Variants in PRSS12 observed in about 807,000 individuals in gnomAD.
PRSS12 encodes the protein neurotrypsin.
PRSS12 carries 85 observed loss-of-function variants against 104.4 expected under a neutral mutation model. The observed-to-expected ratio is 0.81, with a 90% CI of 0.68 to 0.98. The LOEUF is 0.98. Among genes scored for constraint, PRSS12 ranks in the 50% least tolerant of loss-of-function variants. PRSS12 has a pLI of 0.00. For synonymous variants in PRSS12, 454 were observed against 425.2 expected (o/e 1.07, Z -0.83); for missense variants, 1,141 against 1,139.2 (o/e 1.00, Z -0.02).
intron 3 of PRSS12, among the ~76,000 whole-genome samples, chr4:118,334,204 A>G (rs1168016842): frequency 6.6e-6 from 1 of 152,154 alleles, no homozygotes; most frequent in Non-Finnish European, 1.5e-5. Context: ...ATAACTTTCT[A>G]TATTTTATAT....
chr4:118,331,764 T>A lies in PRSS12; in HGVS notation c.923A>T (p.Gln308Leu). 2.5e-6 allele frequency: 4 copies of A among 1,614,166 alleles called. No homozygotes were observed. Among genetic ancestry groups the A allele is most frequent in the Non-Finnish European group, 3.4e-6 (4 of 1,180,038 alleles). ...AGQWGTVCDD[Q>L]WDDADAEVIC... ...CACTTCTGCATCGGCATCATCCCAT[T>A]GGTCATCACAAACGGTTCCCCACTG... The change falls in exon 4 of 13, where the codon CAA becomes CTA. Residue 308 changes from glutamine to leucine, a missense_variant. By Grantham distance (113) the Gln-to-Leu change is moderately radical. Transcript: ENST00000296498.
chr4:118,349,167 T>G (rs1724429964), intron 1 of PRSS12, among the ~76,000 whole-genome samples: 1 of 152,202 alleles, frequency 6.6e-6, no homozygotes, highest in South Asian at 2.1e-4. Flanking sequence ...AATATGTGAC[T>G]CTGGCCAGCA....
At chr4:118,306,783 CAAGTAAT>C (rs1441706684) in intron 8 of PRSS12, among the ~76,000 whole-genome samples, 4 of 151,844 alleles carry the variant, frequency 2.6e-5, no homozygotes, top group African/African-American at 9.7e-5. Flanking sequence ...GAAAGAAATC[CAAGTAAT>C]AACACACGAC....
At chr4:118,312,911 T>C (rs1452792323) in intron 7 of PRSS12, 9 of 421,848 alleles carry the variant, frequency 2.1e-5, no homozygotes. Flanking sequence ...GAATAGATAC[T>C]GCAGCTTCTT....
At chr4:118,348,696 G>C (rs1578945075) in intron 1 of PRSS12, among the ~76,000 whole-genome samples, 1 of 149,042 alleles carries the variant, frequency 6.7e-6, no homozygotes, top group Non-Finnish European at 1.5e-5. Flanking sequence ...TTGTTGCCCA[G>C]ACTGGAGTGC....
At chr4:118,305,133 A>C (rs1165702412) in intron 8 of PRSS12, among the ~76,000 whole-genome samples, 1 of 149,930 alleles carries the variant, frequency 6.7e-6, no homozygotes, top group East Asian at 1.9e-4. Context: ...ACACACACAC[A>C]CACATATATA....
intron 11 of PRSS12, among the ~76,000 whole-genome samples, chr4:118,287,086 A>G (rs766774807): frequency 6.6e-6 from 1 of 152,202 alleles, no homozygotes; most frequent in African/African-American, 2.4e-5. Flanking sequence ...GAACAGTACC[A>G]TTCTTGTCAA....
intron 5 of PRSS12, 60 bp downstream of exon 5, chr4:118,318,318 T>C (rs1329252541): frequency 2.0e-6 from 3 of 1,516,808 alleles, no homozygotes; most frequent in East Asian, 4.5e-5. Flanking sequence ...AGGGAAGCTG[T>C]GGCAGGCCGA....
At chr4:118,338,667 TG>T in intron 1 of PRSS12, among the ~76,000 whole-genome samples, 1 of 152,304 alleles carries the variant, frequency 6.6e-6, no homozygotes, top group African/African-American at 2.4e-5. Context: ...TATCAGATCT[TG>T]TATCTCAAAT....
intron 11 of PRSS12, among the ~76,000 whole-genome samples, chr4:118,285,249 C>T (rs1205520679): frequency 6.6e-6 from 1 of 152,084 alleles, no homozygotes; most frequent in African/African-American, 2.4e-5. Flanking sequence ...AAAGTATATG[C>T]TCTTATAGCT....
Position 118,330,138 on chromosome 4 carries a change from T to C in PRSS12, c.971+1578A>G, listed in dbSNP as rs140513026. ...TCTTGTCCCACATGTGAACTATAAA[T>C]TAGCATTTAGGTCCCATAGTCAGTT... is the stretch of plus-strand genomic sequence containing the variant. On this transcript the variant is annotated intron_variant, in intron 4 of 12. Coordinates refer to ENST00000296498, the MANE Select transcript of PRSS12 (RefSeq NM_003619.4). 5.1e-3 allele frequency among the ~76,000 whole-genome samples: 770 copies of C among 152,250 alleles called. 4 individuals are homozygous for C. The highest frequency in any genetic ancestry group is 0.017 in the African/African-American group (721 of 41,550).
At chr4:118,338,848 T>C (rs1040239212) in intron 1 of PRSS12, among the ~76,000 whole-genome samples, 1 of 152,206 alleles carries the variant, frequency 6.6e-6, no homozygotes, top group Non-Finnish European at 1.5e-5. Context: ...AAAAATAAAA[T>C]GTGTTTTCCC....
rs1458098694 is a variant in PRSS12, at chr4:118,352,503, G to A, written c.218C>T (p.Pro73Leu). 3.5e-6 allele frequency: 5 copies of A among 1,436,064 alleles called. No individual in the cohort carries two copies. The South Asian group carries it at 7.4e-5, about 21-fold the overall frequency. The allele number at this position is 1,436,064 out of a possible 1,614,324, so 89.0% of individuals were successfully genotyped here. ...PRFPRPPRALPAQRPHALQAG... is the reference protein window; with the variant it reads ...PRFPRPPRALLAQRPHALQAG... ...CTGGAGGGCGTGCGGGCGCTGGGCA[G>A]GGAGCGCCCGCGGGGGGCGCGGGAA... The change falls in exon 1 of 13, where the codon CCT becomes CTT. Residue 73 changes from proline to leucine, a missense_variant. Coordinates refer to ENST00000296498, the MANE Select transcript of PRSS12 (RefSeq NM_003619.4).
In PRSS12 at chr4:118,316,272, T is replaced by TC; in HGVS notation, c.1201dup (p.Glu401GlyfsTer13). On this transcript the variant is annotated frameshift_variant, in exon 6 of 13. Transcript: ENST00000296498. LOFTEE classifies it high-confidence loss of function. The stretch of plus-strand genomic sequence containing the variant: ...TCCCCACTGGCCTCTGTAATATACC[T>TC]CCAAGCGACCCTCATGGCTGCCTTT... 1 of 1,613,968 alleles carries TC rather than the reference T, an allele frequency of 6.2e-7. No homozygotes were observed. Among genetic ancestry groups the TC allele is most frequent in the Non-Finnish European group, 8.5e-7 (1 of 1,179,972 alleles).
intron 11 of PRSS12, among the ~76,000 whole-genome samples, chr4:118,284,187 T>C (rs1341247219): frequency 6.6e-6 from 1 of 152,100 alleles, no homozygotes; most frequent in African/African-American, 2.4e-5. Context: ...TTTAGAAGCA[T>C]CCCTGGCCCC....
chr4:118,292,694 A>C (rs2126027606), intron 11 of PRSS12, among the ~76,000 whole-genome samples: 1 of 152,318 alleles, frequency 6.6e-6, no homozygotes, highest in South Asian at 2.1e-4. Flanking sequence ...TGTTAAACCC[A>C]CTAGTAAACA....
In PRSS12 at chr4:118,331,864, G is replaced by C; in HGVS notation, c.823C>G (p.Pro275Ala). 6.2e-7 allele frequency: 1 copy of C among 1,613,896 alleles called. No individual in the cohort carries two copies. Among genetic ancestry groups the C allele is most frequent in the Non-Finnish European group, 8.5e-7 (1 of 1,180,012 alleles). ...AAVTCSFSHG[P>A]TFPIIRLAGG... ...GCAAGGCGAATGATGGGGAACGTTG[G>C]GCCTGTGCAATGTGAAGTTAAAAAT... The change falls in exon 4 of 13, where the codon CCA becomes GCA. Residue 275 changes from proline to alanine, a missense_variant and splice_region_variant. Pro to Ala is a conservative substitution (Grantham distance 27). Coordinates refer to ENST00000296498, the MANE Select transcript of PRSS12 (RefSeq NM_003619.4).
Position 118,352,904 on chromosome 4 carries a change from G to GTGAGCCACC in PRSS12, c.-185_-184insGGTGGCTCA. On this transcript the variant is annotated 5_prime_UTR_variant, in exon 1 of 13. Coordinates refer to ENST00000296498, the MANE Select transcript of PRSS12 (RefSeq NM_003619.4). ...CGCCGCTGGTGCCCTGCCGCGCCTC[G>GTGAGCCACC]GCTCCTGTCCCCTGGCGGCGGCCGC... The GTGAGCCACC allele has an allele frequency of 7.2e-7, 1 of 1,395,656 alleles. No homozygotes were observed. Among genetic ancestry groups the GTGAGCCACC allele is most frequent in the Non-Finnish European group, 9.3e-7 (1 of 1,075,834 alleles). 86.5% of individuals were successfully genotyped at this position (1,395,656 alleles called of 1,614,324 possible). A position where few individuals can be genotyped will look rare whatever the true frequency, so the allele number is the denominator to read the frequency against.
At position 118,280,705 on chromosome 4, in the gene PRSS12, C is replaced by G. The variant is rs1367865300; in HGVS notation, c.*1231G>C. On this transcript the variant is annotated 3_prime_UTR_variant, in exon 13 of 13. Coordinates refer to ENST00000296498, the MANE Select transcript of PRSS12 (RefSeq NM_003619.4). Reference sequence around the variant, plus strand: ...TTTGAGCATTACTGCTAAGAATGTTCTGTAAAGGTGCATAGTTAAGCAGCT... The same window carrying G: ...TTTGAGCATTACTGCTAAGAATGTTGTGTAAAGGTGCATAGTTAAGCAGCT... 6.6e-6 allele frequency: 1 copy of G among 152,208 alleles called. No homozygotes were observed. Among genetic ancestry groups the G allele is most frequent in the African/African-American group, 2.4e-5 (1 of 41,452 alleles). 9.4% of individuals were successfully genotyped at this position (152,208 alleles called of 1,614,324 possible).
Sources: gnomAD v4.1 joint callset for allele counts (sites outside exome capture counted in the v4.1 genomes callset) on GRCh38, gnomAD v4.1.1 for gene constraint, MANE v1.5 for transcripts, NCBI Gene and HGNC (gene_info 2026-07-23, HGNC 2026-07-21) for gene names.